Variants in CADPS2 observed in about 807,000 individuals in gnomAD.
CADPS2 encodes the protein calcium dependent secretion activator 2, also known as calcium-dependent secretion activator 2.
Under a neutral mutation model 172.5 loss-of-function variants are expected in CADPS2, and 93 were observed. That is an observed-to-expected ratio of 0.54 (90% CI 0.46 to 0.64). The LOEUF (loss-of-function observed/expected upper bound fraction) is 0.64. Among genes scored for constraint, CADPS2 ranks in the 30% least tolerant of loss-of-function variants. CADPS2 has a pLI of 0.00. For missense variants in CADPS2, 1,420 were observed against 1,565.9 expected (o/e 0.91, Z 1.57); for synonymous variants, 546 against 555.2 (o/e 0.98, Z 0.23).
At chr7:122,742,080 CTAT>C (rs1430353808) in intron 1 of CADPS2, among the ~76,000 whole-genome samples, 10 of 152,062 alleles carry the variant, frequency 6.6e-5, no homozygotes, top group Non-Finnish European at 1.5e-5. Context: ...CGCAGAGTCG[CTAT>C]TATAGCTTTT....
chr7:122,426,923 T>G (rs1203282743), intron 17 of CADPS2, among the ~76,000 whole-genome samples: 3 of 152,236 alleles, frequency 2.0e-5, no homozygotes, highest in Non-Finnish European at 4.4e-5. Context: ...CATGACACAC[T>G]GTCAAGTGAG....
At chr7:122,423,412 T>C (rs2048769033) in intron 17 of CADPS2, among the ~76,000 whole-genome samples, 1 of 152,162 alleles carries the variant, frequency 6.6e-6, no homozygotes, top group African/African-American at 2.4e-5. Flanking sequence ...CTCAGTACCC[T>C]AAAGGAGATA....
intron 25 of CADPS2, among the ~76,000 whole-genome samples, chr7:122,365,383 T>C (rs1254430468): frequency 6.6e-6 from 1 of 152,216 alleles, no homozygotes; most frequent in Non-Finnish European, 1.5e-5. Context: ...AAGTTTTCTT[T>C]GTAAGATTTT....
In CADPS2 at chr7:122,761,299, G is replaced by C. The variant is rs143822294; in HGVS notation, c.340-24231C>G. On this transcript the variant is annotated intron_variant, in intron 1 of 29. Transcript: ENST00000449022. ...AAGCTTCTTCCTCCACTCATTCCTG[G>C]AACATGGGCAGCCAGGCCAATACTC... 5.4e-3 allele frequency among the ~76,000 whole-genome samples: 822 copies of C among 152,196 alleles called. 2 individuals carry two copies. Among genetic ancestry groups the C allele is most frequent in the Non-Finnish European group, 8.8e-3 (597 of 67,994 alleles).
At chr7:122,340,052 A>C (rs2036534298) in intron 28 of CADPS2, among the ~76,000 whole-genome samples, 2 of 152,160 alleles carry the variant, frequency 1.3e-5, no homozygotes, top group Non-Finnish European at 2.9e-5. Flanking sequence ...GAATCCATTT[A>C]TATAGTATAG....
chr7:122,714,665 G>C lies in CADPS2; in HGVS notation c.453+22290C>G, dbSNP rs1217522072. On this transcript the variant is annotated intron_variant, in intron 2 of 29. Coordinates refer to ENST00000449022, the MANE Select transcript of CADPS2 (RefSeq NM_017954.11). Reference sequence around the variant, plus strand: ...AATCTTCAAGAGGAGACTAGCACAAGATCCATTGCCACTCATAGGAATAAG... The same window carrying C: ...AATCTTCAAGAGGAGACTAGCACAACATCCATTGCCACTCATAGGAATAAG... 5.9e-5 allele frequency among the ~76,000 whole-genome samples: 9 copies of C among 152,206 alleles called. No individual in the cohort carries two copies. The South Asian group carries it at 1.9e-3, about 32-fold the overall frequency.
chr7:122,744,456 G>C, intron 1 of CADPS2, among the ~76,000 whole-genome samples: 1 of 152,102 alleles, frequency 6.6e-6, no homozygotes, highest in East Asian at 1.9e-4. Flanking sequence ...TTTTTTGTAA[G>C]AAATGTTCAT....
At chr7:122,871,602 G>C (rs573018280) in intron 1 of CADPS2, among the ~76,000 whole-genome samples, 1 of 152,128 alleles carries the variant, frequency 6.6e-6, no homozygotes, top group Non-Finnish European at 1.5e-5. Context: ...ACAAAATACG[G>C]TTTAGGAATG....
intron 1 of CADPS2, among the ~76,000 whole-genome samples, chr7:122,745,374 C>A (rs1200957875): frequency 6.6e-6 from 1 of 151,760 alleles, no homozygotes; most frequent in Non-Finnish European, 1.5e-5. Context: ...CTTAACCTCG[C>A]ATCTAGTAAG....
intron 8 of CADPS2, among the ~76,000 whole-genome samples, chr7:122,540,279 T>A (rs897732478): frequency 6.6e-6 from 1 of 152,124 alleles, no homozygotes; most frequent in Non-Finnish European, 1.5e-5. Flanking sequence ...CCCAGAAATC[T>A]GAAAGCAATT....
chr7:122,475,856 G>A (rs1487858433), intron 12 of CADPS2, among the ~76,000 whole-genome samples: 2 of 152,112 alleles, frequency 1.3e-5, no homozygotes, highest in Admixed American at 1.3e-4. Flanking sequence ...ATAATCCGTG[G>A]AGAAAGTATC....
intron 2 of CADPS2, among the ~76,000 whole-genome samples, chr7:122,666,041 C>G (rs2081157447): frequency 1.6e-5 from 1 of 62,116 alleles, no homozygotes. Context: ...TCAACCTCAT[C>G]TAATCACTCA....
At chr7:122,836,675 CAAAG>C (rs1312398967) in intron 1 of CADPS2, among the ~76,000 whole-genome samples, 1 of 151,996 alleles carries the variant, frequency 6.6e-6, no homozygotes. Flanking sequence ...TCAAAAGAGA[CAAAG>C]AAGGCCATTA....
At chr7:122,343,128 T>A (rs147324121) in intron 28 of CADPS2, among the ~76,000 whole-genome samples, 20 of 152,318 alleles carry the variant, frequency 1.3e-4, no homozygotes, top group African/African-American at 4.3e-4. Flanking sequence ...TATCCCCTCA[T>A]ACATGTTATT....
intron 3 of CADPS2, among the ~76,000 whole-genome samples, chr7:122,634,614 C>A (rs551957015): frequency 6.6e-6 from 1 of 152,228 alleles, no homozygotes; most frequent in African/African-American, 2.4e-5. Flanking sequence ...CAAAAAGCAA[C>A]TCTTAGTTTC....
chr7:122,378,700 C>A (rs1373951696), intron 25 of CADPS2: 1 of 152,078 alleles, frequency 6.6e-6, no homozygotes, highest in Non-Finnish European at 1.5e-5. Context: ...AGGAACATGA[C>A]CATTCTCTCT....
At chr7:122,351,893 G>A (rs1018719286) in intron 27 of CADPS2, among the ~76,000 whole-genome samples, 1 of 152,178 alleles carries the variant, frequency 6.6e-6, no homozygotes, top group Non-Finnish European at 1.5e-5. Flanking sequence ...AAACAGTTAT[G>A]TAGCATTAGT....
At chr7:122,365,202 C>A (rs1460656322) in intron 25 of CADPS2, among the ~76,000 whole-genome samples, 2 of 152,160 alleles carry the variant, frequency 1.3e-5, no homozygotes, top group Non-Finnish European at 2.9e-5. Flanking sequence ...CATGTCTCAG[C>A]ATTCTTTGTC....
intron 5 of CADPS2, among the ~76,000 whole-genome samples, chr7:122,615,735 T>C (rs574602208): frequency 6.6e-6 from 1 of 152,166 alleles, no homozygotes; most frequent in South Asian, 2.1e-4. Context: ...GATACCATCA[T>C]ACTAACTCAC....
Sources: gnomAD v4.1 joint callset for allele counts (sites outside exome capture counted in the v4.1 genomes callset) on GRCh38, gnomAD v4.1.1 for gene constraint, MANE v1.5 for transcripts, NCBI Gene and HGNC (gene_info 2026-07-23, HGNC 2026-07-21) for gene names.